The following MALT1 variants were observed in gnomAD, a reference collection of about 807,000 sequenced individuals.
MALT1 encodes MALT1 paracaspase.
In MALT1, 36 loss-of-function variants were observed where a neutral mutation model predicts 85.5. The ratio of observed to expected loss-of-function variants is 0.42; its 90% CI spans 0.32 to 0.56. The LOEUF (loss-of-function observed/expected upper bound fraction) is 0.56, where lower values mean the gene tolerates loss of function less well. MALT1 is among the 20% of genes least tolerant of loss of function. The pLI, the probability that MALT1 is intolerant of heterozygous loss-of-function variation, is 0.10. For synonymous variants in MALT1, 359 were observed against 361.3 expected (o/e 0.99, Z 0.07); for missense variants, 716 against 981.6 (o/e 0.73, Z 3.62).
In MALT1 at chr18:58,744,392, G is replaced by A; in HGVS notation, c.1808G>A (p.Gly603Glu). 1 of 1,610,592 alleles carries A rather than the reference G, an allele frequency of 6.2e-7. No homozygotes were observed. Among genetic ancestry groups the A allele is most frequent in the Middle Eastern group, 1.7e-4 (1 of 6,050 alleles). ...GACTGTGGTGTTCAGATTCAATTAG[G>A]ATTTGCAGCTGAGTTTTCCAATGTC... is the stretch of plus-strand genomic sequence containing the variant. ...KFDCGVQIQL[G>E]FAAEFSNVMI... Residue 603 changes from glycine (G) to glutamate (E), a missense_variant, in exon 15 of 17, where the codon GGA (glycine) becomes GAA (glutamate). This residue lies in a region of MALT1 where 260 missense variants were observed against 323.7 expected (regional missense o/e 0.80). Coordinates refer to ENST00000649217, the MANE Select transcript of MALT1 (RefSeq NM_006785.4).
rs1462049425 is a variant in MALT1, at chr18:58,748,796, C to G, written c.*954C>G. On this transcript the variant is annotated 3_prime_UTR_variant, in exon 17 of 17. Coordinates refer to ENST00000649217, the MANE Select transcript of MALT1 (RefSeq NM_006785.4). ...ATACTGAATTAGTAATTTTAAAAGT[C>G]TCACAAAGAAAATCCCAGGCCTAGA... 1 of 200,122 alleles carries G rather than the reference C, an allele frequency of 5.0e-6. No homozygotes were observed. Among genetic ancestry groups the G allele is most frequent in the Non-Finnish European group, 1.0e-5 (1 of 97,156 alleles). The allele number at this position is 200,122 out of a possible 1,614,324, so 12.4% of individuals were successfully genotyped here.
rs904963057 is a variant in MALT1 at position 58,751,847 on chromosome 18, C to A, written c.*4005C>A. The A allele has an allele frequency of 2.6e-5, 4 of 152,096 alleles. No homozygotes were observed. Among genetic ancestry groups the A allele is most frequent in the African/African-American group, 9.7e-5 (4 of 41,390 alleles). 9.4% of individuals were successfully genotyped at this position (152,096 alleles called of 1,614,324 possible). A position where few individuals can be genotyped will look rare whatever the true frequency, so the allele number is the denominator to read the frequency against. On this transcript the variant is annotated 3_prime_UTR_variant, in exon 17 of 17. Coordinates refer to ENST00000649217, the MANE Select transcript of MALT1 (RefSeq NM_006785.4). ...AGTCACAATTATAAATTGTATATTTCCTAATAAAAGAAATCTCAACTCATG... is the reference window on the plus strand; with the variant it reads ...AGTCACAATTATAAATTGTATATTTACTAATAAAAGAAATCTCAACTCATG...
intron 10 of MALT1, among the ~76,000 whole-genome samples, chr18:58,724,376 T>C (rs924794017): frequency 3.3e-5 from 5 of 152,178 alleles, no homozygotes; most frequent in Admixed American, 2.6e-4. Flanking sequence ...ACACCTCAAA[T>C]GTGAGATTTC....
intron 10 of MALT1, among the ~76,000 whole-genome samples, chr18:58,732,580 C>T (rs2055165764): frequency 6.6e-6 from 1 of 152,100 alleles, no homozygotes; most frequent in African/African-American, 2.4e-5. Flanking sequence ...CCTGCAGTTT[C>T]TTGACTTCAT....
intron 10 of MALT1, among the ~76,000 whole-genome samples, chr18:58,732,673 C>A (rs1261650070): frequency 6.8e-6 from 1 of 146,102 alleles, no homozygotes; most frequent in Non-Finnish European, 1.5e-5. Context: ...CAGGAACACA[C>A]AAATAAATAA....
chr18:58,692,451 T>TCTCTCC (rs2054524779), intron 2 of MALT1, among the ~76,000 whole-genome samples: 2 of 111,926 alleles, frequency 1.8e-5, no homozygotes, highest in African/African-American at 3.1e-5. Flanking sequence ...TCTCCCTCCC[T>TCTCTCC]CCCTCCCTCC....
intron 3 of MALT1, among the ~76,000 whole-genome samples, chr18:58,697,841 A>G (rs1473669273): frequency 2.0e-5 from 3 of 152,148 alleles, no homozygotes; most frequent in East Asian, 1.9e-4. Context: ...GTGCCGGGCC[A>G]TGTTCTAGGT....
chr18:58,685,406 G>A (rs1454446610), intron 2 of MALT1, among the ~76,000 whole-genome samples: 1 of 152,146 alleles, frequency 6.6e-6, no homozygotes, highest in Non-Finnish European at 1.5e-5. Context: ...ACAGTCAGAG[G>A]TAGCTCTGAA....
chr18:58,676,785 G>T (rs2054246479), intron 1 of MALT1, among the ~76,000 whole-genome samples: 1 of 152,110 alleles, frequency 6.6e-6, no homozygotes, highest in African/African-American at 2.4e-5. Context: ...TGTTTTGTTT[G>T]CTGCTGTATC....
rs574285957 is a variant in MALT1, at chr18:58,696,337, ATTTTTTTTTTTTTTTTT to A, written c.377-19_377-3del. 1 of 924,552 alleles carries A rather than the reference ATTTTTTTTTTTTTTTTT, an allele frequency of 1.1e-6. No individual in the cohort carries two copies. Among genetic ancestry groups the A allele is most frequent in the African/African-American group, 2.3e-5 (1 of 43,882 alleles). 57.3% of individuals were successfully genotyped at this position (924,552 alleles called of 1,614,324 possible). The stretch of plus-strand genomic sequence containing the variant: ...AAGGAAAATCCCTCTTGTGACTTTA[ATTTTTTTTTTTTTTTTT>A]TTTTTTTTTAGGAATAAAGATTACT... On this transcript the variant is annotated splice_polypyrimidine_tract_variant and intron_variant, in intron 2 of 16. Transcript: ENST00000649217.
In MALT1 at chr18:58,747,701, T is replaced by C. The variant is rs752917364; in HGVS notation, c.2334T>C (p.His778=). Residue 778 remains histidine, a synonymous_variant, in exon 17 of 17, where the codon CAT becomes CAC. Coordinates refer to ENST00000649217, the MANE Select transcript of MALT1 (RefSeq NM_006785.4). ...ATGTTACACCAGCAGATAGCTGTCA[T>C]TGCAGCCGGACTCCAGATGCATTTA... is the stretch of plus-strand genomic sequence containing the variant. ...PSNVTPADSC[H]CSRTPDAFIS... is the part of the protein sequence containing the mutation. 5 of 1,614,086 alleles carry C rather than the reference T, an allele frequency of 3.1e-6. No individual in the cohort carries two copies. The highest frequency in any genetic ancestry group is 1.3e-5 in the African/African-American group (1 of 74,942).
intron 3 of MALT1, among the ~76,000 whole-genome samples, chr18:58,699,947 C>T (rs1372670051): frequency 6.6e-6 from 1 of 152,322 alleles, no homozygotes; most frequent in East Asian, 1.9e-4. Context: ...GGAGTTTATC[C>T]TCTTACAGAA....
chr18:58,673,091 C>G (rs2054189865), intron 1 of MALT1, among the ~76,000 whole-genome samples: 1 of 152,100 alleles, frequency 6.6e-6, no homozygotes, highest in South Asian at 2.1e-4. Flanking sequence ...ATTATTTGTA[C>G]ACATCTTTAT....
At chr18:58,679,739 G>A (rs2054292851) in intron 1 of MALT1, among the ~76,000 whole-genome samples, 1 of 151,982 alleles carries the variant, frequency 6.6e-6, no homozygotes, top group East Asian at 1.9e-4. Flanking sequence ...AGTAGAGATG[G>A]GGCTTCACCA....
chr18:58,681,106 G>A, intron 1 of MALT1, 64 bp from the exon 2 acceptor site: 1 of 1,491,602 alleles, frequency 6.7e-7, no homozygotes, highest in Non-Finnish European at 9.2e-7. Flanking sequence ...CCGTGGTCCA[G>A]ATATATAGCA....
intron 13 of MALT1, among the ~76,000 whole-genome samples, chr18:58,738,557 A>G (rs1044855415): frequency 6.6e-6 from 1 of 152,170 alleles, no homozygotes; most frequent in African/African-American, 2.4e-5. Context: ...ATTTTGAGAG[A>G]GAATGCCAGA....
rs184385192 is a variant in MALT1 at position 58,743,633 on chromosome 18, C to A, written c.1754-705C>A. Among the ~76,000 whole-genome samples the A allele has an allele frequency of 1.3e-4, 19 of 151,992 alleles. No homozygotes were observed. In the East Asian group the frequency reaches 3.5e-3, roughly 28 times the overall value. On this transcript the variant is annotated intron_variant, in intron 14 of 16. Transcript: ENST00000649217. Reference sequence around the variant, plus strand: ...ACAAATAAGAGAAAAAAAATTAAGACCCTCCTCAGTAAACAAGCAAATGAT... The same window carrying A: ...ACAAATAAGAGAAAAAAAATTAAGAACCTCCTCAGTAAACAAGCAAATGAT...
At chr18:58,724,899 C>G (rs1006824473) in intron 10 of MALT1, among the ~76,000 whole-genome samples, 1 of 152,002 alleles carries the variant, frequency 6.6e-6, no homozygotes. Flanking sequence ...AATCCCAGCA[C>G]TTTGGGAGGC....
In MALT1 at chr18:58,750,373, G is replaced by A. The variant is rs1480594198; in HGVS notation, c.*2531G>A. ...TTCAACAATTCCTATCAAAATCCTA[G>A]CTGTATTTTTTGCAGAAATTGACAA... On this transcript the variant is annotated 3_prime_UTR_variant, in exon 17 of 17. Coordinates refer to ENST00000649217, the MANE Select transcript of MALT1 (RefSeq NM_006785.4). 1 of 153,066 alleles carries A rather than the reference G, an allele frequency of 6.5e-6. No individual in the cohort carries two copies. The highest frequency in any genetic ancestry group is 1.5e-5 in the Non-Finnish European group (1 of 68,620). 9.5% of individuals were successfully genotyped at this position (153,066 alleles called of 1,614,324 possible).
Sources: gnomAD v4.1 joint callset for allele counts (sites outside exome capture counted in the v4.1 genomes callset) on GRCh38, gnomAD v4.1.1 for gene constraint, gnomAD v4.1.1 regional missense constraint, MANE v1.5 for transcripts, NCBI Gene and HGNC (gene_info 2026-07-23, HGNC 2026-07-21) for gene names.